Variants in LPXN observed in about 807,000 individuals in gnomAD.
LPXN encodes leupaxin.
A neutral mutation model predicts 45.6 loss-of-function variants in LPXN; 28 were observed. That is an observed-to-expected ratio of 0.61 (90% CI 0.45 to 0.84). The LOEUF is 0.84. LPXN is among the 40% of genes least tolerant of loss of function. The pLI is 0.00. For missense variants in LPXN, 459 were observed against 475.0 expected (o/e 0.97, Z 0.31); for synonymous variants, 166 against 169.9 (o/e 0.98, Z 0.18).
intron 1 of LPXN, among the ~76,000 whole-genome samples, chr11:58,575,452 G>C (rs1386518351): frequency 6.6e-6 from 1 of 151,948 alleles, no homozygotes; most frequent in Admixed American, 6.6e-5. Flanking sequence ...ACCTCCAAAG[G>C]GCAAAACGCC....
At chr11:58,578,214 CG>C, upstream of LPXN, 1 of 823,848 alleles carries the variant, frequency 1.2e-6, no homozygotes, top group African/African-American at 1.8e-5. Flanking sequence ...CGCTTGAGCC[CG>C]GATGTACGGC....
At position 58,527,484 on chromosome 11, in the gene LPXN, T is replaced by G; in HGVS notation, c.1131A>C (p.Gln377His). ...GTGGGAAGAGCTTATTGAAGCAAGG[T>G]TGACAATAGGTCTTGTCATTCTGCT... ...FREQNDKTYC[Q>H]PCFNKLFPL The change falls in exon 9 of 9, where the codon CAA (glutamine) becomes CAC (histidine). Residue 377 changes from glutamine (Q) to histidine (H), a missense_variant. By Grantham distance (24) the Gln-to-His change is conservative. Transcript: ENST00000395074. 6.2e-7 allele frequency: 1 copy of G among 1,614,170 alleles called. No homozygotes were observed. The highest frequency in any genetic ancestry group is 8.5e-7 in the Non-Finnish European group (1 of 1,180,016).
rs371837206 is a variant in LPXN, at chr11:58,527,732, G to A, written c.892-9C>T. The stretch of plus-strand genomic sequence containing the variant: ...AAACTGGTGAAGCAGTCCTGGGGTA[G>A]AGAGAAGAGAGAGAAAAAGAATGCA... On this transcript the variant is annotated splice_polypyrimidine_tract_variant and intron_variant, in intron 8 of 8. Coordinates refer to ENST00000395074, the MANE Select transcript of LPXN (RefSeq NM_004811.3). 5.0e-6 allele frequency: 8 copies of A among 1,606,842 alleles called. No homozygotes were observed. The highest frequency in any genetic ancestry group is 6.8e-6 in the Non-Finnish European group (8 of 1,174,880).
chr11:58,559,692 A>G (rs1030000875), intron 3 of LPXN, among the ~76,000 whole-genome samples: 1 of 152,044 alleles, frequency 6.6e-6, no homozygotes, highest in African/African-American at 2.4e-5. Context: ...CCTGGGAAAC[A>G]TAGGGAGACT....
At chr11:58,566,253 CTA>C (rs1443400650) in intron 2 of LPXN, among the ~76,000 whole-genome samples, 2 of 152,076 alleles carry the variant, frequency 1.3e-5, no homozygotes, top group Non-Finnish European at 2.9e-5. Context: ...TGATGCTTCA[CTA>C]TATGTTTTTA....
Position 58,551,142 on chromosome 11 carries a change from G to A in LPXN, c.409C>T (p.Gln137Ter), listed in dbSNP as rs1387135779. The change falls in exon 5 of 9, where the codon CAG becomes TAG. Residue 137 changes from glutamine (Q) to a stop codon, truncating the protein, a stop_gained. Coordinates refer to ENST00000395074, the MANE Select transcript of LPXN (RefSeq NM_004811.3). LOFTEE classifies it high-confidence loss of function. ...GCAATGCCAAGGTCCTGCAATTCCT[G>A]CTCCAGACCCCCAAGCATTGAGTCC... The part of the protein sequence containing the change: ...SLDSMLGGLE[Q>*]ELQDLGIATV... 1.2e-6 allele frequency: 2 copies of A among 1,611,376 alleles called. No individual in the cohort carries two copies. Among genetic ancestry groups the A allele is most frequent in the East Asian group, 4.5e-5 (2 of 44,446 alleles).
chr11:58,533,052 T>A (rs191253520), intron 7 of LPXN, among the ~76,000 whole-genome samples: 3 of 152,004 alleles, frequency 2.0e-5, no homozygotes, highest in African/African-American at 7.2e-5. Context: ...ACCGTGAAGG[T>A]CTGCAGCTTC....
upstream of LPXN, chr11:58,578,167 AG>A (rs1854966266): frequency 1.5e-6 from 2 of 1,336,786 alleles, no homozygotes; most frequent in African/African-American, 3.0e-5. Context: ...AAGAAAAAGT[AG>A]GAAAAACCCT....
intron 1 of LPXN, among the ~76,000 whole-genome samples, chr11:58,571,661 TTC>T (rs1854704752): frequency 2.0e-5 from 3 of 149,332 alleles, no homozygotes; most frequent in Admixed American, 6.6e-5. Flanking sequence ...TCAGTTTTTT[TTC>T]TTTTTTTTTT....
intron 7 of LPXN, among the ~76,000 whole-genome samples, chr11:58,543,553 C>T (rs1853792111): frequency 6.6e-6 from 1 of 152,130 alleles, no homozygotes; most frequent in African/African-American, 2.4e-5. Context: ...TTTTTCAGAG[C>T]AAACTTCTGA....
Position 58,549,818 on chromosome 11 carries a change from C to T in LPXN, c.710G>A (p.Cys237Tyr). ...NQTWHPEHFF[C>Y]SHCGEVFGAE... ...ACCAAACACCTCTCCGCAGTGAGAG[C>T]AGAAGAAGTGCTCTGGGTGCCAGGT... The change falls in exon 7 of 9, where the codon TGC (cysteine) becomes TAC (tyrosine). Residue 237 changes from cysteine (C) to tyrosine (Y), a missense_variant. Coordinates refer to ENST00000395074, the MANE Select transcript of LPXN (RefSeq NM_004811.3). 6.2e-7 allele frequency: 1 copy of T among 1,614,146 alleles called. No individual in the cohort carries two copies. Among genetic ancestry groups the T allele is most frequent in the Non-Finnish European group, 8.5e-7 (1 of 1,180,024 alleles).
intron 7 of LPXN, among the ~76,000 whole-genome samples, chr11:58,532,878 C>T (rs1446036218): frequency 6.6e-6 from 1 of 152,218 alleles, no homozygotes; most frequent in African/African-American, 2.4e-5. Context: ...CTGCTGCTCA[C>T]TCTTTGGGTC....
At chr11:58,552,458 C>T (rs1373403320) in intron 4 of LPXN, among the ~76,000 whole-genome samples, 3 of 152,172 alleles carry the variant, frequency 2.0e-5, no homozygotes, top group African/African-American at 7.2e-5. Context: ...CTCTCCATTG[C>T]CACCACATCA....
intron 2 of LPXN, among the ~76,000 whole-genome samples, chr11:58,569,493 ATCC>A (rs138323634): frequency 0.026 from 4,001 of 152,050 alleles, 172 homozygotes; most frequent in African/African-American, 0.092. Flanking sequence ...GGCTTAAGCA[ATCC>A]TCCTGCTTCA....
At chr11:58,559,228 C>T (rs1854299997) in intron 3 of LPXN, among the ~76,000 whole-genome samples, 1 of 151,940 alleles carries the variant, frequency 6.6e-6, no homozygotes, top group Non-Finnish European at 1.5e-5. Flanking sequence ...TATACACATA[C>T]ACATTTATAT....
intron 7 of LPXN, among the ~76,000 whole-genome samples, chr11:58,531,651 A>G (rs961633271): frequency 6.6e-6 from 1 of 152,246 alleles, no homozygotes; most frequent in Non-Finnish European, 1.5e-5. Context: ...ATTATCCAGG[A>G]GAACTTCCTC....
At chr11:58,543,757 G>T (rs1042863745) in intron 7 of LPXN, among the ~76,000 whole-genome samples, 30 of 152,244 alleles carry the variant, frequency 2.0e-4, no homozygotes, top group African/African-American at 7.0e-4. Flanking sequence ...AGCACAAATA[G>T]CCCAATAATT....
At chr11:58,570,338 T>A (rs1251358028) in intron 2 of LPXN, among the ~76,000 whole-genome samples, 1 of 151,264 alleles carries the variant, frequency 6.6e-6, no homozygotes, top group Admixed American at 6.6e-5. Flanking sequence ...ATAAAAAAAA[T>A]AAAAAAAATT....
At position 58,551,188 on chromosome 11, in the gene LPXN, C is replaced by T; in HGVS notation, c.363G>A (p.Lys121=). 6.2e-7 allele frequency: 1 copy of T among 1,611,822 alleles called. No homozygotes were observed. Among genetic ancestry groups the T allele is most frequent in the Non-Finnish European group, 8.5e-7 (1 of 1,179,002 alleles). Residue 121 remains lysine (K), a synonymous_variant, in exon 5 of 9, where the codon AAG becomes AAA. Transcript: ENST00000395074. ...ADAGKKHLPD[K]QDHKASLDSM... The stretch of plus-strand genomic sequence containing the variant: ...AGTCCAGGGAGGCCTTGTGATCCTG[C>T]TTGTCTGGTAAGTGCTTCTTGCCAG...
Sources: allele counts gnomAD v4.1 joint callset (sites outside exome capture counted in the v4.1 genomes callset), GRCh38; gene constraint gnomAD v4.1.1; transcripts MANE v1.5; gene names NCBI Gene and HGNC (gene_info 2026-07-23, HGNC 2026-07-21).